CACUL1: variants seen among roughly 807,000 people sequenced by gnomAD.
CACUL1 encodes CDK2 associated cullin domain 1.
Under a neutral mutation model 45.2 loss-of-function variants are expected in CACUL1, and 13 were observed. The observed-to-expected ratio is 0.29, with a 90% confidence interval of 0.19 to 0.46. The LOEUF is 0.46. Ranked by LOEUF, CACUL1 falls within the 20% of genes least tolerant of loss-of-function variation. CACUL1 has a pLI of 1.00. For synonymous variants in CACUL1, 197 were observed against 174.2 expected, an observed-to-expected ratio of 1.13 and a Z score of -1.03; for missense variants, 421 against 471.4, an observed-to-expected ratio of 0.89 and a Z score of 0.99.
In CACUL1 at chr10:118,754,886, G is replaced by A. The variant is rs1256766688; in HGVS notation, c.-124C>T. 4.5e-6 allele frequency: 6 copies of A among 1,333,182 alleles called. No individual in the cohort carries two copies. In the Admixed American group the frequency reaches 1.0e-4, roughly 23 times the overall value. The allele number at this position is 1,333,182 out of a possible 1,614,324, so 82.6% of individuals were successfully genotyped here. On this transcript the variant is annotated 5_prime_UTR_variant, in exon 1 of 9. Coordinates refer to ENST00000369151, the MANE Select transcript of CACUL1 (RefSeq NM_153810.5). ...CGGCAGGAATGGGCGCAGCGGAGAG[G>A]GCTGCGGTGCGCAGGGTCTCTCGCT...
intron 4 of CACUL1, among the ~76,000 whole-genome samples, chr10:118,703,004 A>C (rs1845398601): frequency 1.3e-5 from 2 of 151,594 alleles, no homozygotes; most frequent in Admixed American, 1.3e-4. Flanking sequence ...ATAGTGTTTC[A>C]ATTGCCCAGG....
intron 7 of CACUL1, among the ~76,000 whole-genome samples, chr10:118,689,678 C>G (rs78050607): frequency 6.6e-6 from 1 of 152,128 alleles, no homozygotes; most frequent in Non-Finnish European, 1.5e-5. Flanking sequence ...CCAAGCAAAT[C>G]TGACATAAGA....
chr10:118,714,779 T>A (rs1157472268), intron 3 of CACUL1, among the ~76,000 whole-genome samples: 2 of 152,212 alleles, frequency 1.3e-5, no homozygotes, highest in African/African-American at 2.4e-5. Flanking sequence ...TTAATAAAAT[T>A]AATAATTTTC....
chr10:118,740,577 T>C (rs994615230), intron 1 of CACUL1, among the ~76,000 whole-genome samples: 1 of 152,188 alleles, frequency 6.6e-6, no homozygotes, highest in South Asian at 2.1e-4. Context: ...GCCACTGCAC[T>C]CCAGCCTGGG....
chr10:118,747,735 G>C (rs898885022), intron 1 of CACUL1, among the ~76,000 whole-genome samples: 9 of 152,158 alleles, frequency 5.9e-5, no homozygotes, highest in African/African-American at 2.2e-4. Context: ...ACAGAAGGCA[G>C]ATCAGTAGGA....
At chr10:118,750,183 G>A (rs968318088) in intron 1 of CACUL1, among the ~76,000 whole-genome samples, 38 of 152,170 alleles carry the variant, frequency 2.5e-4, no homozygotes, top group Admixed American at 1.2e-3. Context: ...AAAATTAGCC[G>A]GGCATGGTGG....
intron 1 of CACUL1, among the ~76,000 whole-genome samples, chr10:118,738,756 CA>C (rs565232240): frequency 1.3e-5 from 2 of 151,500 alleles, no homozygotes; most frequent in Non-Finnish European, 2.9e-5. Flanking sequence ...CAAGAGAGAT[CA>C]AAACAAATTT....
intron 1 of CACUL1, among the ~76,000 whole-genome samples, chr10:118,739,793 T>C (rs1397790755): frequency 6.6e-6 from 1 of 152,220 alleles, no homozygotes; most frequent in Non-Finnish European, 1.5e-5. Flanking sequence ...TGTTTGAGCA[T>C]TTCAAAAACA....
At chr10:118,723,739 G>A (rs1845623447) in intron 3 of CACUL1, among the ~76,000 whole-genome samples, 1 of 152,098 alleles carries the variant, frequency 6.6e-6, no homozygotes. Context: ...TTTGTTACTA[G>A]TAAGCTTAAT....
intron 1 of CACUL1, among the ~76,000 whole-genome samples, chr10:118,749,429 T>C: frequency 6.6e-6 from 1 of 152,188 alleles, no homozygotes; most frequent in East Asian, 1.9e-4. Context: ...GGGTATTACT[T>C]GATCTGTTAT....
chr10:118,696,720 G>C (rs534614158), intron 5 of CACUL1, among the ~76,000 whole-genome samples: 14 of 152,368 alleles, frequency 9.2e-5, no homozygotes, highest in African/African-American at 3.1e-4. Flanking sequence ...GCAGGCCATG[G>C]GTTGAACAAG....
intron 3 of CACUL1, among the ~76,000 whole-genome samples, chr10:118,722,382 C>T (rs932499196): frequency 3.7e-4 from 57 of 152,102 alleles, no homozygotes; most frequent in African/African-American, 1.4e-3. Context: ...AGCCACCGCA[C>T]CCAGCCACAA....
rs1294386273 is a variant in CACUL1 at position 118,682,774 on chromosome 10, ATGTGCAG to A, written c.*3347_*3353del. On this transcript the variant is annotated 3_prime_UTR_variant, in exon 9 of 9. Transcript: ENST00000369151. The stretch of plus-strand genomic sequence containing the variant: ...TGCACAGTGTGAGCACTGGAGATGG[ATGTGCAG>A]TGTGCAGTGTTCACAGCCATGGACA... The A allele has an allele frequency of 1.3e-5, 2 of 152,676 alleles. No homozygotes were observed. Among genetic ancestry groups the A allele is most frequent in the Non-Finnish European group, 2.9e-5 (2 of 68,046 alleles). The allele number at this position is 152,676 out of a possible 1,614,324, so 9.5% of individuals were successfully genotyped here. A position where few individuals can be genotyped will look rare whatever the true frequency, so the allele number is the denominator to read the frequency against.
At chr10:118,740,722 C>T (rs898667237) in intron 1 of CACUL1, among the ~76,000 whole-genome samples, 11 of 151,864 alleles carry the variant, frequency 7.2e-5, no homozygotes, top group Non-Finnish European at 1.5e-4. Context: ...GTCAGGAGAT[C>T]GAGACCATCC....
intron 1 of CACUL1, among the ~76,000 whole-genome samples, chr10:118,745,676 A>G (rs534214856): frequency 6.6e-6 from 1 of 152,362 alleles, no homozygotes; most frequent in East Asian, 1.9e-4. Context: ...TAACTACATT[A>G]AACACAATGG....
intron 3 of CACUL1, among the ~76,000 whole-genome samples, chr10:118,716,407 C>T (rs1845546199): frequency 6.6e-6 from 1 of 151,572 alleles, no homozygotes; most frequent in African/African-American, 2.4e-5. Context: ...ACCATCTCTC[C>T]CAGGTCAAAT....
At chr10:118,693,583 A>G (rs1168568047) in intron 6 of CACUL1, 1 of 347,174 alleles carries the variant, frequency 2.9e-6, no homozygotes, top group Non-Finnish European at 5.7e-6. Context: ...TTATTTTGCA[A>G]TTTTGTTACG....
chr10:118,686,485 C>A, intron 8 of CACUL1, 113 bp downstream of exon 8: 1 of 873,938 alleles, frequency 1.1e-6, no homozygotes, highest in South Asian at 1.4e-5. Flanking sequence ...CAAGCAGTGC[C>A]TTATGAGAAC....
At chr10:118,715,003 A>G (rs1182358137) in intron 3 of CACUL1, among the ~76,000 whole-genome samples, 1 of 152,222 alleles carries the variant, frequency 6.6e-6, no homozygotes, top group Non-Finnish European at 1.5e-5. Context: ...ATTTAATCAG[A>G]GGTCATATTG....
Sources: allele counts gnomAD v4.1 joint callset (sites outside exome capture counted in the v4.1 genomes callset), GRCh38; gene constraint gnomAD v4.1.1; transcripts MANE v1.5; gene names NCBI Gene and HGNC (gene_info 2026-07-23, HGNC 2026-07-21).